RAB38: variants seen among roughly 807,000 people sequenced by gnomAD.
RAB38 encodes RAB38, member RAS oncogene family.
RAB38 carries 15 observed loss-of-function variants against 18.4 expected under a neutral mutation model. That is an observed-to-expected ratio of 0.82 (90% confidence interval 0.55 to 1.26). RAB38 has a LOEUF of 1.26. RAB38 is among the 50% of genes most tolerant of loss of function. The pLI is 0.00. For missense variants in RAB38, 294 were observed against 267.4 expected (o/e 1.10, Z -0.69); for synonymous variants, 101 against 104.4 (o/e 0.97, Z 0.20).
the RAB38 span, among the ~76,000 whole-genome samples, chr11:87,853,307 A>G: frequency 6.6e-6 from 1 of 152,192 alleles, no homozygotes; most frequent in Non-Finnish European, 1.5e-5. Flanking sequence ...AATTAGGTTT[A>G]GATGAGTTCA....
chr11:87,914,830 C>T, the RAB38 span, among the ~76,000 whole-genome samples: 2 of 152,188 alleles, frequency 1.3e-5, no homozygotes, highest in Non-Finnish European at 2.9e-5. Flanking sequence ...CTGAAGCAGC[C>T]ATGTCTCCAG....
the RAB38 span, among the ~76,000 whole-genome samples, chr11:88,053,240 T>C: frequency 8.4e-5 from 7 of 83,584 alleles, no homozygotes; most frequent in African/African-American, 2.1e-4. Flanking sequence ...AATATATATA[T>C]ACACACATAT....
At chr11:88,149,598 T>A (rs1943036271) in intron 2 of RAB38, 77 bp downstream of exon 2, 2 of 1,454,146 alleles carry the variant, frequency 1.4e-6, no homozygotes, top group Non-Finnish European at 1.9e-6. Flanking sequence ...ATTATCATTA[T>A]GATGATGGTG....
chr11:88,099,146 T>C, the RAB38 span, among the ~76,000 whole-genome samples: 3 of 151,958 alleles, frequency 2.0e-5, no homozygotes, highest in African/African-American at 4.8e-5. Context: ...TAGAACTATA[T>C]TTGATCCTTA....
the RAB38 span, among the ~76,000 whole-genome samples, chr11:88,084,170 A>C: frequency 6.6e-6 from 1 of 151,882 alleles, no homozygotes; most frequent in Admixed American, 6.6e-5. Flanking sequence ...GGCTTAATGC[A>C]AGTCCTGAAG....
At chr11:88,172,631 C>A (rs942616610) in intron 1 of RAB38, among the ~76,000 whole-genome samples, 1 of 152,194 alleles carries the variant, frequency 6.6e-6, no homozygotes, top group Non-Finnish European at 1.5e-5. Context: ...CGGAGAGATG[C>A]ATTCTTATCT....
the RAB38 span, among the ~76,000 whole-genome samples, chr11:88,083,295 A>C: frequency 1.3e-5 from 2 of 151,908 alleles, no homozygotes; most frequent in African/African-American, 2.4e-5. Context: ...TACATACATA[A>C]TAATATGTGC....
At chr11:88,087,580 A>C in the RAB38 span, among the ~76,000 whole-genome samples, 1 of 151,952 alleles carries the variant, frequency 6.6e-6, no homozygotes, top group Non-Finnish European at 1.5e-5. Context: ...ATACGCCCAG[A>C]GTCAGGAACA....
chr11:87,849,346 A>C, the RAB38 span, among the ~76,000 whole-genome samples: 2 of 152,078 alleles, frequency 1.3e-5, no homozygotes, highest in Non-Finnish European at 2.9e-5. Context: ...ACTGCTCTTC[A>C]TCTGGGCTAT....
chr11:88,031,879 C>A, the RAB38 span, among the ~76,000 whole-genome samples: 1 of 152,156 alleles, frequency 6.6e-6, no homozygotes, highest in Non-Finnish European at 1.5e-5. Context: ...GAAAAAACTA[C>A]TTTGAAGTTC....
the RAB38 span, among the ~76,000 whole-genome samples, chr11:88,038,798 AT>A: frequency 6.6e-6 from 1 of 152,088 alleles, no homozygotes; most frequent in African/African-American, 2.4e-5. Context: ...ATGGCTTATT[AT>A]TTTTACTTTG....
chr11:88,029,923 T>C, the RAB38 span, among the ~76,000 whole-genome samples: 1 of 152,222 alleles, frequency 6.6e-6, no homozygotes, highest in African/African-American at 2.4e-5. Context: ...CAACAGAATA[T>C]ACATTTTTTT....
chr11:88,167,821 C>T (rs1159660969), intron 1 of RAB38: 1 of 152,138 alleles, frequency 6.6e-6, no homozygotes, highest in Admixed American at 6.5e-5. Flanking sequence ...CAGTCTAATT[C>T]ACCATCCTAG....
chr11:88,040,703 A>AAACAACAACAAC, the RAB38 span, among the ~76,000 whole-genome samples: 25 of 149,152 alleles, frequency 1.7e-4, no homozygotes, highest in South Asian at 1.9e-3. Flanking sequence ...ACCCTGTCTC[A>AAACAACAACAAC]AACAACAACA....
At chr11:87,856,118 A>ATTCTC in the RAB38 span, among the ~76,000 whole-genome samples, 1 of 152,178 alleles carries the variant, frequency 6.6e-6, no homozygotes, top group East Asian at 1.9e-4. Context: ...GGTGCTACAA[A>ATTCTC]TTCTCCAAAT....
At chr11:87,954,877 A>AGAAACAAGT in the RAB38 span, among the ~76,000 whole-genome samples, 2 of 152,242 alleles carry the variant, frequency 1.3e-5, no homozygotes, top group Non-Finnish European at 2.9e-5. Context: ...TTATGAAAGA[A>AGAAACAAGT]GAAACAAGTG....
chr11:87,953,905 C>CTATT, the RAB38 span, among the ~76,000 whole-genome samples: 18 of 150,238 alleles, frequency 1.2e-4, no homozygotes, highest in African/African-American at 4.2e-4. Flanking sequence ...ATTTCGTTAG[C>CTATT]TATTTGTATT....
At chr11:88,033,725 C>CTTTTTTTTT in the RAB38 span, among the ~76,000 whole-genome samples, 3 of 101,122 alleles carry the variant, frequency 3.0e-5, 1 homozygote, top group African/African-American at 3.9e-5. Context: ...GTTGTGTTGC[C>CTTTTTTTTT]TTTTTTTTTT....
chr11:88,127,085 G>T (rs141682712), intron 2 of RAB38, among the ~76,000 whole-genome samples: 4 of 152,296 alleles, frequency 2.6e-5, no homozygotes, highest in Non-Finnish European at 4.4e-5. Context: ...ATGGCTAAAT[G>T]ATTTTAGATG....
Sources: allele counts gnomAD v4.1 joint callset (sites outside exome capture counted in the v4.1 genomes callset), GRCh38; gene constraint gnomAD v4.1.1; transcripts MANE v1.5; gene names NCBI Gene and HGNC (gene_info 2026-07-23, HGNC 2026-07-21).